Variants in DBF4B observed in about 807,000 individuals in gnomAD.
The protein encoded by DBF4B is DBF4B-CDC7 kinase regulatory subunit, also known as protein DBF4 homolog B.
In DBF4B, 49 loss-of-function variants were observed where a neutral mutation model predicts 53.4. That is an observed-to-expected ratio of 0.92 (90% CI 0.73 to 1.16). The LOEUF is 1.16. Ranked by LOEUF, DBF4B falls within the 50% of genes most tolerant of loss-of-function variation. The probability of loss-of-function intolerance (pLI) is 0.00; values close to 1 mark genes in which losing one functional copy is unlikely to be tolerated. For synonymous variants in DBF4B, 257 were observed against 288.7 expected (o/e 0.89, Z 1.11); for missense variants, 692 against 775.0 (o/e 0.89, Z 1.27).
chr17:44,738,156 T>C (rs1975638288), intron 8 of DBF4B, among the ~76,000 whole-genome samples: 1 of 152,190 alleles, frequency 6.6e-6, no homozygotes, highest in Admixed American at 6.5e-5. Flanking sequence ...AGGGCTTCAG[T>C]GTTAACTGCA....
At position 44,730,113 on chromosome 17, in the gene DBF4B, G is replaced by A; in HGVS notation, c.417+17G>A. On this transcript the variant is annotated intron_variant, in intron 4 of 13. Coordinates refer to ENST00000315005, the MANE Select transcript of DBF4B (RefSeq NM_145663.3). Reference sequence around the variant, plus strand: ...GTTGACTCGGTAAGAACCTCATGTAGGAAAGGTATGCTGTGTAAACAAAGG... The same window carrying A: ...GTTGACTCGGTAAGAACCTCATGTAAGAAAGGTATGCTGTGTAAACAAAGG... 1 of 1,611,476 alleles carries A rather than the reference G, an allele frequency of 6.2e-7. No homozygotes were observed. The highest frequency in any genetic ancestry group is 8.5e-7 in the Non-Finnish European group (1 of 1,179,564).
intron 6 of DBF4B, chr17:44,732,544 T>C: frequency 2.5e-6 from 1 of 397,456 alleles, no homozygotes; most frequent in East Asian, 4.8e-5. Context: ...ATGATGATCC[T>C]GTTTTACAAA....
rs748943511 is a variant in DBF4B at position 44,747,450 on chromosome 17, G to A, written c.999G>A (p.Val333=). The A allele has an allele frequency of 1.9e-6, 3 of 1,614,122 alleles. No individual in the cohort carries two copies. The highest frequency in any genetic ancestry group is 2.5e-6 in the Non-Finnish European group (3 of 1,180,040). The change falls in exon 12 of 14, where the codon GTG becomes GTA. Residue 333 remains valine, a synonymous_variant. Coordinates refer to ENST00000315005, the MANE Select transcript of DBF4B (RefSeq NM_145663.3). ...FALEAHLYAE[V]DRIIAQLSHS... is the part of the protein sequence containing the mutation. ...TGGAAGCCCATCTATATGCAGAAGT[G>A]GACAGGATCATTGCTCAGCTCAGCC...
chr17:44,748,272 GCCCTCAGCC>G, intron 12 of DBF4B, 60 bp from the exon 13 acceptor site: 1 of 1,519,260 alleles, frequency 6.6e-7, no homozygotes, highest in Non-Finnish European at 8.8e-7. Flanking sequence ...CTCTCCCTGT[GCCCTCAGCC>G]CTGGCCCAGG....
At chr17:44,728,689 C>T (rs1039218401) in intron 3 of DBF4B, among the ~76,000 whole-genome samples, 9 of 151,068 alleles carry the variant, frequency 6.0e-5, no homozygotes, top group Admixed American at 2.6e-4. Context: ...TGGTGGCATG[C>T]GCCTGTAGTC....
At chr17:44,732,934 G>C (rs2144974162) in intron 6 of DBF4B, 1 of 151,242 alleles carries the variant, frequency 6.6e-6, no homozygotes, top group East Asian at 2.0e-4. Flanking sequence ...GGGAGGCCGA[G>C]GCAGGCAGAT....
rs762009075 is a variant in DBF4B at position 44,748,438 on chromosome 17, A to C, written c.1162A>C (p.Arg388=). 1 of 1,613,920 alleles carries C rather than the reference A, an allele frequency of 6.2e-7. No individual in the cohort carries two copies. The highest frequency in any genetic ancestry group is 1.3e-5 in the African/African-American group (1 of 74,882). ...SHPRAASPRI[R]KEDSCQASVT... is the part of the protein sequence containing the mutation. ...TCCCAGGGCAGCATCTCCCAGGATAAGGAAAGAAGACAGCTGCCAGGCATC... is the reference window on the plus strand; with the variant it reads ...TCCCAGGGCAGCATCTCCCAGGATACGGAAAGAAGACAGCTGCCAGGCATC... The change falls in exon 13 of 14, where the codon AGG becomes CGG. Residue 388 remains arginine, a synonymous_variant. Coordinates refer to ENST00000315005, the MANE Select transcript of DBF4B (RefSeq NM_145663.3).
At chr17:44,745,930 G>A (rs749857428) in intron 10 of DBF4B, among the ~76,000 whole-genome samples, 9 of 151,990 alleles carry the variant, frequency 5.9e-5, no homozygotes, top group Non-Finnish European at 1.3e-4. Flanking sequence ...AGGCTTGGCC[G>A]GATGTGGTGA....
intron 10 of DBF4B, among the ~76,000 whole-genome samples, chr17:44,746,652 C>T (rs1028642822): frequency 2.6e-4 from 40 of 152,028 alleles, no homozygotes; most frequent in Non-Finnish European, 1.5e-5. Flanking sequence ...AACCCCGTCT[C>T]TACTGAAAAT....
intron 2 of DBF4B, chr17:44,720,042 T>A (rs1973686620): frequency 4.2e-6 from 1 of 236,242 alleles, no homozygotes; most frequent in Non-Finnish European, 8.7e-6. Flanking sequence ...CAATGACAAA[T>A]TTCTGGTGTG....
chr17:44,746,366 G>A (rs1336514586), intron 10 of DBF4B, among the ~76,000 whole-genome samples: 1 of 152,192 alleles, frequency 6.6e-6, no homozygotes, highest in Non-Finnish European at 1.5e-5. Flanking sequence ...GACATTCAGG[G>A]TGGAAAAGAA....
intron 9 of DBF4B, among the ~76,000 whole-genome samples, chr17:44,740,987 TA>T (rs1324409573): frequency 2.0e-5 from 3 of 151,864 alleles, no homozygotes; most frequent in Non-Finnish European, 4.4e-5. Context: ...TACAAAAAAT[TA>T]GCCGGCCATG....
At position 44,747,413 on chromosome 17, in the gene DBF4B, G is replaced by A. The variant is rs770145254; in HGVS notation, c.962G>A (p.Arg321Gln). ...LHVHLQSAQH[R>Q]SFALEAHLYA... ...CAGCATCTTCAGAGTGCCCAGCACC[G>A]GAGCTTTGCCCTGGAAGCCCATCTA... Residue 321 changes from arginine to glutamine, a missense_variant, in exon 12 of 14, where the codon CGG (arginine) becomes CAG (glutamine). Physicochemically the swap from Arg to Gln is conservative, Grantham distance 43. Transcript: ENST00000315005. The A allele has an allele frequency of 8.7e-6, 14 of 1,613,896 alleles. No homozygotes were observed. The highest frequency in any genetic ancestry group is 4.5e-5 in the East Asian group (2 of 44,880).
Position 44,749,809 on chromosome 17 carries a change from A to AC in DBF4B, c.1190-781dup. 2.9e-6 allele frequency: 3 copies of AC among 1,037,832 alleles called. No homozygotes were observed. Among genetic ancestry groups the AC allele is most frequent in the Non-Finnish European group, 3.5e-6 (3 of 861,206 alleles). 64.3% of individuals were successfully genotyped at this position (1,037,832 alleles called of 1,614,324 possible). A position where few individuals can be genotyped will look rare whatever the true frequency, so the allele number is the denominator to read the frequency against. ...CGCGGGTTAGCTGTTGGTGTGCTCC[A>AC]CCCCCAACCCCGGCCTCCTTTCTCA... On this transcript the variant is annotated intron_variant, in intron 13 of 13. Transcript: ENST00000315005. This position sits in a 1 kb window ranked among gnomAD's most constrained non-coding sequence, Gnocchi z 4.4.
chr17:44,720,779 T>A (rs1202633984), intron 2 of DBF4B, among the ~76,000 whole-genome samples: 2 of 152,176 alleles, frequency 1.3e-5, no homozygotes, highest in Non-Finnish European at 2.9e-5. Context: ...GGTTTTCCAA[T>A]GTGACTGCAC....
chr17:44,751,638 C>A lies in DBF4B; in HGVS notation c.*385C>A. On this transcript the variant is annotated 3_prime_UTR_variant, in exon 14 of 14. Transcript: ENST00000315005. ...TTGAGTTGATTCAGTAAATCGACTT[C>A]AAATACTTGAAGGCTCCCACCTTCT... 1 of 1,376,292 alleles carries A rather than the reference C, an allele frequency of 7.3e-7. No homozygotes were observed. Among genetic ancestry groups the A allele is most frequent in the Middle Eastern group, 2.7e-4 (1 of 3,650 alleles). The allele number at this position is 1,376,292 out of a possible 1,614,324, so 85.3% of individuals were successfully genotyped here.
chr17:44,738,718 G>A lies in DBF4B; in HGVS notation c.713+294G>A, dbSNP rs79430722. Among the ~76,000 whole-genome samples the A allele has an allele frequency of 7.9e-5, 12 of 152,284 alleles. No individual in the cohort carries two copies. In the East Asian group the frequency reaches 2.1e-3, roughly 27 times the overall value. On this transcript the variant is annotated intron_variant, in intron 9 of 13. Coordinates refer to ENST00000315005, the MANE Select transcript of DBF4B (RefSeq NM_145663.3). The stretch of plus-strand genomic sequence containing the variant: ...ATACTCTGCTCTATGAGCTCATGGT[G>A]TCCCATGCAGGCTCATTATTGCAAC...
At chr17:44,729,419 A>G (rs72826855) in intron 3 of DBF4B, among the ~76,000 whole-genome samples, 29,503 of 151,790 alleles carry the variant, frequency 0.19, 3,081 homozygotes, top group African/African-American at 0.27. Context: ...TTGCCCAGGC[A>G]GGTCTTGAAC....
chr17:44,750,925 G>T lies in DBF4B; in HGVS notation c.1520G>T (p.Arg507Leu). Residue 507 changes from arginine to leucine, a missense_variant, in exon 14 of 14, where the codon CGC (arginine) becomes CTC (leucine). Physicochemically the swap from Arg to Leu is moderately radical, Grantham distance 102 (BLOSUM62 -2). Transcript: ENST00000315005. ...PEARPWLMSA[R>L]CWVRPFPFVT... The stretch of plus-strand genomic sequence containing the variant: ...GCCAGACCGTGGCTTATGTCTGCAC[G>T]CTGCTGGGTTCGTCCCTTTCCTTTT... 6.2e-7 allele frequency: 1 copy of T among 1,614,196 alleles called. No individual in the cohort carries two copies.
Sources: allele counts gnomAD v4.1 joint callset (sites outside exome capture counted in the v4.1 genomes callset), GRCh38; gene constraint gnomAD v4.1.1; non-coding constraint Gnocchi (gnomAD v3.1); transcripts MANE v1.5; gene names NCBI Gene and HGNC (gene_info 2026-07-23, HGNC 2026-07-21).